The following ITGB5 variants were observed in gnomAD, a reference collection of about 807,000 sequenced individuals.
ITGB5 encodes the protein integrin beta-5.
In ITGB5, 38 loss-of-function variants were observed where a neutral mutation model predicts 84.8. The ratio of observed to expected loss-of-function variants is 0.45; its 90% confidence interval spans 0.35 to 0.59. The LOEUF (loss-of-function observed/expected upper bound fraction) is 0.59. Ranked by LOEUF, ITGB5 falls within the 20% of genes least tolerant of loss-of-function variation. ITGB5 has a pLI of 0.01. For synonymous variants in ITGB5, 393 were observed against 414.4 expected, an observed-to-expected ratio of 0.95 and a Z score of 0.63; for missense variants, 905 against 1,034.5, an observed-to-expected ratio of 0.87 and a Z score of 1.72.
intron 9 of ITGB5, 139 bp downstream of exon 9, chr3:124,808,883 G>A (rs1030715803): frequency 1.2e-5 from 11 of 918,638 alleles, no homozygotes; most frequent in Non-Finnish European, 1.8e-5. Flanking sequence ...ACAGGCTTAG[G>A]AGACTCCTCT....
At position 124,830,232 on chromosome 3, in the gene ITGB5, A is replaced by AC. The variant is rs148907027; in HGVS notation, c.781-8759dup. Reference sequence around the variant, plus strand: ...ACAAAAAAGGAAGCTCACACAGAGAACCAAGAACAGCTTCCATCCTTCTCT... The same window carrying AC: ...ACAAAAAAGGAAGCTCACACAGAGAACCCAAGAACAGCTTCCATCCTTCTCT... On this transcript the variant is annotated intron_variant, in intron 5 of 14. Coordinates refer to ENST00000296181, the MANE Select transcript of ITGB5 (RefSeq NM_002213.5). 8.6e-3 allele frequency among the ~76,000 whole-genome samples: 1,313 copies of AC among 152,308 alleles called. 11 individuals are homozygous for AC. The highest frequency in any genetic ancestry group is 0.013 in the Non-Finnish European group (916 of 68,024).
upstream of ITGB5, among the ~76,000 whole-genome samples, chr3:124,890,383 T>G (rs962374938): frequency 7.2e-5 from 11 of 151,776 alleles, no homozygotes; most frequent in African/African-American, 2.4e-4. Flanking sequence ...TTTTTTTTAT[T>G]TTTAGTAGAG....
At chr3:124,854,317 T>A (rs1204394886) in intron 3 of ITGB5, among the ~76,000 whole-genome samples, 1 of 152,208 alleles carries the variant, frequency 6.6e-6, no homozygotes, top group East Asian at 1.9e-4. Flanking sequence ...GTATAGGGTG[T>A]TAACTGTGGA....
At chr3:124,845,341 G>A (rs908443744) in intron 4 of ITGB5, among the ~76,000 whole-genome samples, 3 of 152,248 alleles carry the variant, frequency 2.0e-5, no homozygotes, top group Non-Finnish European at 4.4e-5. Flanking sequence ...GGCTGAGGCA[G>A]GAGAATCACT....
chr3:124,879,233 A>C (rs1934466162), intron 1 of ITGB5, among the ~76,000 whole-genome samples: 1 of 152,136 alleles, frequency 6.6e-6, no homozygotes, highest in African/African-American at 2.4e-5. Flanking sequence ...CCTTCCATTC[A>C]GCCTCTCTCC....
intron 5 of ITGB5, among the ~76,000 whole-genome samples, chr3:124,839,132 T>C (rs1036346016): frequency 6.6e-6 from 1 of 152,208 alleles, no homozygotes; most frequent in African/African-American, 2.4e-5. Context: ...TGGAGGCACA[T>C]TGGCTGCATA....
chr3:124,878,898 T>G (rs940292178), intron 1 of ITGB5, among the ~76,000 whole-genome samples: 1 of 152,184 alleles, frequency 6.6e-6, no homozygotes, highest in African/African-American at 2.4e-5. Flanking sequence ...GCAGCCCAGA[T>G]GATAGCCACA....
intron 10 of ITGB5, among the ~76,000 whole-genome samples, chr3:124,779,005 C>T (rs1002379452): frequency 6.6e-6 from 1 of 152,198 alleles, no homozygotes; most frequent in Non-Finnish European, 1.5e-5. Flanking sequence ...TGATCCGTTT[C>T]CTCCTGTGTT....
intron 10 of ITGB5, 29 bp downstream of exon 10, chr3:124,796,359 G>C: frequency 6.3e-7 from 1 of 1,575,200 alleles, no homozygotes; most frequent in African/African-American, 1.3e-5. Context: ...GCCTGGCTCA[G>C]AGCTAAAGTG....
At chr3:124,770,815 G>T (rs1253312293) in intron 11 of ITGB5, among the ~76,000 whole-genome samples, 1 of 152,190 alleles carries the variant, frequency 6.6e-6, no homozygotes, top group African/African-American at 2.4e-5. Flanking sequence ...GCCCCGGAAG[G>T]CGGGCAGCTG....
At chr3:124,767,380 T>C (rs1238510602) in intron 12 of ITGB5, among the ~76,000 whole-genome samples, 1 of 151,848 alleles carries the variant, frequency 6.6e-6, no homozygotes, top group African/African-American at 2.4e-5. Context: ...AGCATGTGAG[T>C]GTGTGTATGA....
Position 124,821,415 on chromosome 3 carries a change from C to T in ITGB5, c.840G>A (p.Val280=). 1 of 1,614,234 alleles carries T rather than the reference C, an allele frequency of 6.2e-7. No individual in the cohort carries two copies. The highest frequency in any genetic ancestry group is 8.5e-7 in the Non-Finnish European group (1 of 1,180,026). Reference sequence around the variant, plus strand: ...ATTTTCCATCCAATGCGATGTGGGGCACATCATCTGTTGTGAACACCAGCA... The same window carrying T: ...ATTTTCCATCCAATGCGATGTGGGGTACATCATCTGTTGTGAACACCAGCA... ...LHLLVFTTDD[V]PHIALDGKLG... The change falls in exon 6 of 15, where the codon GTG becomes GTA. Residue 280 remains valine, a synonymous_variant. Coordinates refer to ENST00000296181, the MANE Select transcript of ITGB5 (RefSeq NM_002213.5).
rs545187304 is a variant in ITGB5 at position 124,833,649 on chromosome 3, G to A, written c.780+7734C>T. Among the ~76,000 whole-genome samples the A allele has an allele frequency of 4.3e-4, 66 of 152,284 alleles. 3 individuals are homozygous for A. The South Asian group carries it at 8.9e-3, about 21-fold the overall frequency. The stretch of plus-strand genomic sequence containing the variant: ...AGGCAGCCTGGTGGATGGGAGGGTG[G>A]AAGTCCCATCCAGGATGGGACAAGC... On this transcript the variant is annotated intron_variant, in intron 5 of 14. Transcript: ENST00000296181.
At chr3:124,767,216 C>T (rs140849196) in intron 12 of ITGB5, among the ~76,000 whole-genome samples, 1 of 152,200 alleles carries the variant, frequency 6.6e-6, no homozygotes, top group Non-Finnish European at 1.5e-5. Context: ...AACACTAGGG[C>T]GGTAAATGCT....
chr3:124,840,981 A>C (rs533413350), intron 5 of ITGB5, among the ~76,000 whole-genome samples: 15 of 152,272 alleles, frequency 9.9e-5, no homozygotes, highest in Non-Finnish European at 1.6e-4. Context: ...ATTCTTTTTC[A>C]ACTGGGTTTC....
At chr3:124,852,237 C>T (rs905977864) in intron 3 of ITGB5, among the ~76,000 whole-genome samples, 16 of 152,180 alleles carry the variant, frequency 1.1e-4, no homozygotes, top group African/African-American at 3.6e-4. Context: ...AGGATTCATC[C>T]TTCTCTGCTC....
intron 10 of ITGB5, among the ~76,000 whole-genome samples, chr3:124,795,575 T>C (rs1291855276): frequency 6.6e-6 from 1 of 151,910 alleles, no homozygotes; most frequent in Non-Finnish European, 1.5e-5. Context: ...TGTGACTGTG[T>C]GGCCTTACGT....
At chr3:124,811,121 C>T (rs1378702130) in intron 8 of ITGB5, among the ~76,000 whole-genome samples, 2 of 152,144 alleles carry the variant, frequency 1.3e-5, no homozygotes, top group Non-Finnish European at 2.9e-5. Flanking sequence ...TTGCAACTTG[C>T]CAGCCTTAAC....
chr3:124,770,683 T>C (rs1480911451), intron 11 of ITGB5, among the ~76,000 whole-genome samples: 3 of 151,934 alleles, frequency 2.0e-5, no homozygotes, highest in African/African-American at 7.3e-5. Context: ...TCCTAAGAGG[T>C]TCTAACATGC....
Sources: allele counts gnomAD v4.1 joint callset (sites outside exome capture counted in the v4.1 genomes callset), GRCh38; gene constraint gnomAD v4.1.1; transcripts MANE v1.5; gene names NCBI Gene and HGNC (gene_info 2026-07-23, HGNC 2026-07-21).